Variants in CEP78 observed in about 807,000 individuals in gnomAD.
The protein encoded by CEP78 is centrosomal protein 78.
In CEP78, 76 loss-of-function variants were observed where a neutral mutation model predicts 81.2. The ratio of observed to expected loss-of-function variants is 0.94; its 90% CI spans 0.78 to 1.13. CEP78 has a LOEUF of 1.13. Among genes scored for constraint, CEP78 ranks in the 50% most tolerant of loss-of-function variants. CEP78 has a pLI of 0.00. For synonymous variants in CEP78, 293 were observed against 301.4 expected (o/e 0.97, Z 0.29); for missense variants, 918 against 846.8 (o/e 1.08, Z -1.04).
In CEP78 at chr9:78,246,741, C is replaced by G. The variant is rs377012729; in HGVS notation, c.851C>G (p.Thr284Arg). ...KALLEALETN[T>R]TLVVLDIRKN... ...TTGCTAGAGGCCCTTGAAACCAATA[C>G]AACTCTGGTCGTTCTGGATATAAGA... Residue 284 changes from threonine (T) to arginine (R), a missense_variant, in exon 6 of 17, where the codon ACA becomes AGA. Physicochemically the swap from Thr to Arg is moderately conservative, Grantham distance 71. Transcript: ENST00000643273. The G allele has an allele frequency of 7.3e-5, 118 of 1,609,916 alleles. No individual in the cohort carries two copies. The African/African-American group carries it at 1.4e-3, about 20-fold the overall frequency.
chr9:78,250,226 T>G (rs1002433838), intron 8 of CEP78: 18 of 397,778 alleles, frequency 4.5e-5, no homozygotes, highest in Non-Finnish European at 8.0e-5. Context: ...TTTCTTGGGC[T>G]TTTTTTGTAT....
intron 5 of CEP78, among the ~76,000 whole-genome samples, 190 bp downstream of exon 5, chr9:78,243,826 A>G (rs969359340): frequency 1.3e-5 from 2 of 151,940 alleles, no homozygotes; most frequent in African/African-American, 4.8e-5. Context: ...TAACAAAAAA[A>G]AAAAAAGTAC....
At chr9:78,244,606 C>T (rs1826395005) in intron 5 of CEP78, among the ~76,000 whole-genome samples, 1 of 152,078 alleles carries the variant, frequency 6.6e-6, no homozygotes, top group Non-Finnish European at 1.5e-5. Context: ...ATGAGAACTC[C>T]CCTGCTTTTT....
rs1827766846 is a variant in CEP78, at chr9:78,274,729, A to G, written c.*3878A>G. ...TAACAAAAGGCCTGTCCACTTGGAA[A>G]TTTTTAAATGATCTTCTAAATAACT... On this transcript the variant is annotated 3_prime_UTR_variant, in exon 17 of 17. Coordinates refer to ENST00000643273, the MANE Select transcript of CEP78 (RefSeq NM_001330691.3). The G allele has an allele frequency of 6.6e-6, 1 of 152,160 alleles. No individual in the cohort carries two copies. Among genetic ancestry groups the G allele is most frequent in the South Asian group, 2.1e-4 (1 of 4,824 alleles). 9.4% of individuals were successfully genotyped at this position (152,160 alleles called of 1,614,324 possible).
rs12552710 is a variant in CEP78, at chr9:78,236,817, A to G, written c.253+214A>G. On this transcript the variant is annotated intron_variant, in intron 1 of 16. Coordinates refer to ENST00000643273, the MANE Select transcript of CEP78 (RefSeq NM_001330691.3). ...GACCCAGGTTATGTGCGCCTTCGCA[A>G]GGATTCCCTGCGCTGCTGATGCCTG... 0.063 allele frequency among the ~76,000 whole-genome samples: 9,613 copies of G among 152,186 alleles called. 406 individuals carry two copies. The highest frequency in any genetic ancestry group is 0.11 in the Admixed American group (1,633 of 15,290).
rs373992755 is a variant in CEP78 at position 78,236,522 on chromosome 9, C to T, written c.172C>T (p.Leu58=). ...CCTCCGCGGGGTGGACTGGGCGCCT[C>T]TGCTGAGCACCCTCAAGATCAATAA... ...DRLRGVDWAP[L]LSTLKINKDL... is the part of the protein sequence containing the mutation. Residue 58 remains leucine, a synonymous_variant, in exon 1 of 17, where the codon CTG becomes TTG. Coordinates refer to ENST00000643273, the MANE Select transcript of CEP78 (RefSeq NM_001330691.3). 1.1e-5 allele frequency: 18 copies of T among 1,606,680 alleles called. No homozygotes were observed. The highest frequency in any genetic ancestry group is 1.3e-5 in the African/African-American group (1 of 74,632).
At chr9:78,264,645 TA>T (rs34285580) in intron 13 of CEP78, among the ~76,000 whole-genome samples, 6,756 of 119,354 alleles carry the variant, frequency 0.057, 350 homozygotes, top group African/African-American at 0.16. Flanking sequence ...GCCCATCTCT[TA>T]AAAAAAAAAA....
At chr9:78,255,593 T>C (rs535168562) in intron 11 of CEP78, among the ~76,000 whole-genome samples, 46 of 152,306 alleles carry the variant, frequency 3.0e-4, no homozygotes, top group African/African-American at 1.1e-3. Context: ...CTTATTTTTA[T>C]GTGACTATGG....
Position 78,265,865 on chromosome 9 carries a change from A to G in CEP78, c.1804A>G (p.Ile602Val), listed in dbSNP as rs1313881536. The G allele has an allele frequency of 2.0e-5, 27 of 1,377,950 alleles. No homozygotes were observed. The highest frequency in any genetic ancestry group is 1.1e-4 in the South Asian group (9 of 80,412). 85.4% of individuals were successfully genotyped at this position (1,377,950 alleles called of 1,614,324 possible). A position where few individuals can be genotyped will look rare whatever the true frequency, so the allele number is the denominator to read the frequency against. ...CTATTCATATTCCATCTAGGTTTCT[A>G]TTTGTATGCAGTCAGCTTACAATGA... ...LGQMQNIQVS[I>V]CMQSAYNEGT... Residue 602 changes from isoleucine (I) to valine (V), a missense_variant, in exon 15 of 17, where the codon ATT becomes GTT. Coordinates refer to ENST00000643273, the MANE Select transcript of CEP78 (RefSeq NM_001330691.3).
rs141460334 is a variant in CEP78 at position 78,276,419 on chromosome 9, A to C, written c.*5568A>C. 2 of 152,190 alleles carry C rather than the reference A, an allele frequency of 1.3e-5. 1 individual carries two copies. The highest frequency in any genetic ancestry group is 1.3e-4 in the Admixed American group (2 of 15,282). 9.4% of individuals were successfully genotyped at this position (152,190 alleles called of 1,614,324 possible). On this transcript the variant is annotated 3_prime_UTR_variant, in exon 17 of 17. Coordinates refer to ENST00000643273, the MANE Select transcript of CEP78 (RefSeq NM_001330691.3). Reference sequence around the variant, plus strand: ...TCCACAGGAAACAAACTTGGTGAAAAGTTTTTGCTAAGATAAAAACGGTAC... The same window carrying C: ...TCCACAGGAAACAAACTTGGTGAAACGTTTTTGCTAAGATAAAAACGGTAC...
In CEP78 at chr9:78,236,355, T is replaced by A; in HGVS notation, c.5T>A (p.Ile2Asn). ...CCCCGAGGCCGCCCTCGGGCCATGA[T>A]CGACTCCGTGAAGCTGCGCCGCGAC... MIDSVKLRRDSA... is the reference protein window; with the variant it reads MNDSVKLRRDSA... The change falls in exon 1 of 17, where the codon ATC becomes AAC. Residue 2 changes from isoleucine to asparagine, a missense_variant. Coordinates refer to ENST00000643273, the MANE Select transcript of CEP78 (RefSeq NM_001330691.3). 6.4e-7 allele frequency: 1 copy of A among 1,574,090 alleles called. No homozygotes were observed. The highest frequency in any genetic ancestry group is 8.6e-7 in the Non-Finnish European group (1 of 1,164,282).
chr9:78,254,943 T>C lies in CEP78; in HGVS notation c.1359T>C (p.Ser453=). 2 of 1,611,026 alleles carry C rather than the reference T, an allele frequency of 1.2e-6. No homozygotes were observed. The highest frequency in any genetic ancestry group is 8.5e-7 in the Non-Finnish European group (1 of 1,177,984). The change falls in exon 11 of 17, where the codon AGT becomes AGC. Residue 453 remains serine (S), a synonymous_variant. Coordinates refer to ENST00000643273, the MANE Select transcript of CEP78 (RefSeq NM_001330691.3). The part of the protein sequence containing the change: ...ESVHEVPEKT[S]IEQEALQEKL... The stretch of plus-strand genomic sequence containing the variant: ...TTCATGAAGTGCCTGAGAAAACTAG[T>C]ATAGAACAAGAAGCATTACAGGTAC...
intron 11 of CEP78, among the ~76,000 whole-genome samples, chr9:78,261,946 A>T (rs1372777824): frequency 6.6e-6 from 1 of 152,142 alleles, no homozygotes; most frequent in East Asian, 1.9e-4. Context: ...AAAATTTTTG[A>T]AAATCGTGAA....
chr9:78,264,364 G>T (rs372644894), intron 13 of CEP78, 48 bp downstream of exon 13: 3 of 1,549,636 alleles, frequency 1.9e-6, no homozygotes, highest in Non-Finnish European at 2.6e-6. Context: ...GACTTTAATG[G>T]TGTTTTGCTG....
chr9:78,258,055 A>C (rs577490856), intron 11 of CEP78, among the ~76,000 whole-genome samples: 1 of 152,322 alleles, frequency 6.6e-6, no homozygotes, highest in East Asian at 1.9e-4. Flanking sequence ...TTGATTATCA[A>C]TTTGCATGTG....
At chr9:78,246,435 T>A (rs1333012854) in intron 5 of CEP78, among the ~76,000 whole-genome samples, 1 of 152,042 alleles carries the variant, frequency 6.6e-6, no homozygotes, top group South Asian at 2.1e-4. Flanking sequence ...CTGTCTCTAC[T>A]AAAAATACAA....
chr9:78,251,283 G>A (rs952671779), intron 8 of CEP78, among the ~76,000 whole-genome samples: 1 of 152,152 alleles, frequency 6.6e-6, no homozygotes, highest in Non-Finnish European at 1.5e-5. Flanking sequence ...CAGACTTATA[G>A]GCGGCAACAT....
intron 16 of CEP78, chr9:78,267,111 A>G (rs772225544): frequency 9.9e-7 from 1 of 1,013,520 alleles, no homozygotes; most frequent in South Asian, 1.4e-5. Flanking sequence ...GAAGCCACTA[A>G]AGGAAGATTT....
intron 11 of CEP78, among the ~76,000 whole-genome samples, chr9:78,256,369 G>C (rs911883686): frequency 1.6e-4 from 24 of 152,206 alleles, no homozygotes; most frequent in African/African-American, 4.8e-4. Flanking sequence ...ATTTGGCTTT[G>C]AAAAACAGTA....
Sources: gnomAD v4.1 joint callset for allele counts (sites outside exome capture counted in the v4.1 genomes callset) on GRCh38, gnomAD v4.1.1 for gene constraint, MANE v1.5 for transcripts, NCBI Gene and HGNC (gene_info 2026-07-23, HGNC 2026-07-21) for gene names.